The following AGAP3 variants were observed in gnomAD, a reference collection of about 807,000 sequenced individuals.
AGAP3 encodes ArfGAP with GTPase domain, ankyrin repeat and PH domain 3.
In AGAP3, 24 loss-of-function variants were observed where a neutral mutation model predicts 96.9. The ratio of observed to expected loss-of-function variants is 0.25; its 90% CI spans 0.18 to 0.35. The LOEUF (loss-of-function observed/expected upper bound fraction) is 0.35, where lower values mean the gene tolerates loss of function less well. Among genes scored for constraint, AGAP3 ranks in the 10% least tolerant of loss-of-function variants. The probability of loss-of-function intolerance (pLI) is 1.00; values close to 1 mark genes in which losing one functional copy is unlikely to be tolerated. For missense variants in AGAP3, 876 were observed against 1,254.2 expected (o/e 0.70, Z 4.55); for synonymous variants, 563 against 536.1 (o/e 1.05, Z -0.69).
intron 10 of AGAP3, chr7:151,130,986 C>T (rs973138177): frequency 1.3e-5 from 2 of 152,334 alleles, no homozygotes; most frequent in Non-Finnish European, 2.9e-5. Flanking sequence ...ACCCTAAACC[C>T]TGGCAGGAAG....
intron 10 of AGAP3, among the ~76,000 whole-genome samples, chr7:151,129,355 C>T (rs928791581): frequency 2.6e-5 from 4 of 152,164 alleles, no homozygotes; most frequent in African/African-American, 9.7e-5. Context: ...CCGCCCCGGC[C>T]CAGAAGCTCT....
rs1449811105 is a variant in AGAP3, at chr7:151,142,142, G to C, written c.1960-21G>C. On this transcript the variant is annotated intron_variant, in intron 14 of 17. Transcript: ENST00000397238. This position sits in a 1 kb window ranked among gnomAD's most constrained non-coding sequence, Gnocchi z 7.5. Reference sequence around the variant, plus strand: ...TGACTGACCAACCGCCCCTTGTCTTGTCTCTCCTGCTGTGCGACAGACTCG... The same window carrying C: ...TGACTGACCAACCGCCCCTTGTCTTCTCTCTCCTGCTGTGCGACAGACTCG... 1 of 1,612,880 alleles carries C rather than the reference G, an allele frequency of 6.2e-7. No individual in the cohort carries two copies. The highest frequency in any genetic ancestry group is 8.5e-7 in the Non-Finnish European group (1 of 1,179,300).
chr7:151,111,820 T>C (rs1799300093), intron 1 of AGAP3, among the ~76,000 whole-genome samples: 1 of 152,126 alleles, frequency 6.6e-6, no homozygotes, highest in Non-Finnish European at 1.5e-5. Context: ...CCATGGAGCC[T>C]CTCAGCCCCT....
At chr7:151,122,432 C>T (rs1425412436) in intron 8 of AGAP3, among the ~76,000 whole-genome samples, 4 of 152,188 alleles carry the variant, frequency 2.6e-5, no homozygotes, top group Non-Finnish European at 1.5e-5. Context: ...CCTGGGCTGC[C>T]GAGTGGCGAA....
intron 4 of AGAP3, 25 bp downstream of exon 4, chr7:151,117,481 G>T (rs887845649): frequency 1.2e-6 from 2 of 1,614,074 alleles, no homozygotes; most frequent in Admixed American, 3.3e-5. Context: ...CAGGGTTAGG[G>T]CCCACCGCTG....
At chr7:151,121,139 C>G (rs1325196317) in intron 8 of AGAP3, 3 of 157,118 alleles carry the variant, frequency 1.9e-5, no homozygotes. Flanking sequence ...CCTGCTCACT[C>G]ATCCTCGCCT....
chr7:151,090,440 C>T (rs1798349764), intron 1 of AGAP3: 2 of 144,576 alleles, frequency 1.4e-5, no homozygotes, highest in South Asian at 4.3e-4. Flanking sequence ...CCGGCCTGGC[C>T]TGGCCAGCAG....
At chr7:151,110,790 G>A (rs1165203366) in intron 1 of AGAP3, among the ~76,000 whole-genome samples, 3 of 152,174 alleles carry the variant, frequency 2.0e-5, no homozygotes, top group African/African-American at 4.8e-5. Context: ...GGACTGACAC[G>A]GATTGGGCTG....
rs750679955 is a variant in AGAP3, at chr7:151,142,505, G to A, written c.2144G>A (p.Arg715His). Residue 715 changes from arginine to histidine, a missense_variant, in exon 16 of 18, where the codon CGC (arginine) becomes CAC (histidine). Transcript: ENST00000397238. This position sits in a 1 kb window ranked among gnomAD's most constrained non-coding sequence, Gnocchi z 7.5. ...CTGGGGGCTCACCTGTCCCGGGTGC[G>A]CTCCCTTGACCTCGATGACTGGCCG... is the stretch of plus-strand genomic sequence containing the variant. ...RHLGAHLSRV[R>H]SLDLDDWPPE... 2.5e-6 allele frequency: 4 copies of A among 1,613,608 alleles called. No individual in the cohort carries two copies. The highest frequency in any genetic ancestry group is 1.7e-6 in the Non-Finnish European group (2 of 1,180,004).
At position 151,138,102 on chromosome 7, in the gene AGAP3, T is replaced by A. The variant is rs1307386302; in HGVS notation, c.1496-41T>A. 1.0e-5 allele frequency: 15 copies of A among 1,470,106 alleles called. No homozygotes were observed. The Middle Eastern group carries it at 5.2e-4, about 51-fold the overall frequency. The allele number at this position is 1,470,106 out of a possible 1,614,324, so 91.1% of individuals were successfully genotyped here. A position where few individuals can be genotyped will look rare whatever the true frequency, so the allele number is the denominator to read the frequency against. ...GATAGTATCTTTGAGAATCCTCCCCTGCCCGGCCTCCCTTCCCAGTCTGAC... is the reference window on the plus strand; with the variant it reads ...GATAGTATCTTTGAGAATCCTCCCCAGCCCGGCCTCCCTTCCCAGTCTGAC... On this transcript the variant is annotated intron_variant, in intron 11 of 17. Transcript: ENST00000397238.
Position 151,143,350 on chromosome 7 carries a change from G to A in AGAP3, c.2283G>A (p.Lys761=). The A allele has an allele frequency of 3.1e-6, 5 of 1,611,298 alleles. No homozygotes were observed. The highest frequency in any genetic ancestry group is 4.2e-6 in the Non-Finnish European group (5 of 1,178,108). The change falls in exon 17 of 18, where the codon AAG becomes AAA. Residue 761 remains lysine, a synonymous_variant. Coordinates refer to ENST00000397238, the MANE Select transcript of AGAP3 (RefSeq NM_031946.7). The surrounding 1 kb of genome is among the most constrained non-coding windows in gnomAD (Gnocchi z 5.9). ...GGGCCTGTGGTTGCAGAGAGGAGAA[G>A]GAACGCTGGATACGGGCCAAGTATG... ...KPGPDACREE[K]ERWIRAKYEQ...
At position 151,132,923 on chromosome 7, in the gene AGAP3, G is replaced by C. The variant is rs560969934; in HGVS notation, c.1327-1477G>C. On this transcript the variant is annotated intron_variant, in intron 10 of 17. Transcript: ENST00000397238. ...CCTGGGCTCTTTTCAGCAGAGGACA[G>C]TGTCAGTTTTCCCTGGAGCTAACGG... Among the ~76,000 whole-genome samples, 5 of 152,326 alleles carry C rather than the reference G, an allele frequency of 3.3e-5. No homozygotes were observed. In the South Asian group the frequency reaches 1.0e-3, roughly 32 times the overall value.
rs116233895 is a variant in AGAP3, at chr7:151,137,750, G to A, written c.1496-393G>A. On this transcript the variant is annotated intron_variant, in intron 11 of 17. Transcript: ENST00000397238. ...GTCAGAATGGCAGTAAAGCTGAGGC[G>A]AAGCAAATGGCATATGTGGACTAGA... is the stretch of plus-strand genomic sequence containing the variant. 1.6e-3 allele frequency: 369 copies of A among 225,590 alleles called. 1 individual carries two copies. The highest frequency in any genetic ancestry group is 7.6e-3 in the African/African-American group (336 of 44,336). The allele number at this position is 225,590 out of a possible 1,614,324, so 14.0% of individuals were successfully genotyped here.
At chr7:151,121,353 C>A (rs1050240251) in intron 8 of AGAP3, among the ~76,000 whole-genome samples, 11 of 151,756 alleles carry the variant, frequency 7.2e-5, no homozygotes, top group Non-Finnish European at 1.5e-5. Context: ...GGGGGGGCCG[C>A]CTGCTCGAGC....
chr7:151,108,184 T>G lies in AGAP3; in HGVS notation c.332-8609T>G, dbSNP rs2150438432. Reference sequence around the variant, plus strand: ...CCAGGAGGCCAGATGGGGGACATGCTAAGGGACCGAGTCTTCGAGGGGAGG... The same window carrying G: ...CCAGGAGGCCAGATGGGGGACATGCGAAGGGACCGAGTCTTCGAGGGGAGG... On this transcript the variant is annotated intron_variant, in intron 1 of 17. Transcript: ENST00000397238. The surrounding 1 kb of genome is among the most constrained non-coding windows in gnomAD (Gnocchi z 4.2). Among the ~76,000 whole-genome samples the G allele has an allele frequency of 6.6e-6, 1 of 152,328 alleles. No homozygotes were observed. The highest frequency in any genetic ancestry group is 2.4e-5 in the African/African-American group (1 of 41,566).
intron 8 of AGAP3, chr7:151,123,519 GGCGTGCTCCT>G: frequency 7.9e-7 from 1 of 1,267,456 alleles, no homozygotes. Flanking sequence ...CCCCGCCCCG[GGCGTGCTCCT>G]CGCGCCCTCG....
At chr7:151,126,460 G>A (rs1490195605) in intron 9 of AGAP3, among the ~76,000 whole-genome samples, 1 of 133,456 alleles carries the variant, frequency 7.5e-6, no homozygotes, top group Non-Finnish European at 1.6e-5. Flanking sequence ...GAGAGGCTGG[G>A]AGAGGGAAGC....
At chr7:151,124,339 C>T (rs1470907875) in intron 9 of AGAP3, among the ~76,000 whole-genome samples, 1 of 152,204 alleles carries the variant, frequency 6.6e-6, no homozygotes, top group African/African-American at 2.4e-5. Flanking sequence ...AGTAGACTAC[C>T]TCCTCACCTC....
rs777446587 is a variant in AGAP3, at chr7:151,108,913, C to T, written c.332-7880C>T. ...ACCCATGGCAGGGATTAAGGGGACTCGGACCTCCTCAGAAAACACCTGTGT... is the reference window on the plus strand; with the variant it reads ...ACCCATGGCAGGGATTAAGGGGACTTGGACCTCCTCAGAAAACACCTGTGT... On this transcript the variant is annotated intron_variant, in intron 1 of 17. Transcript: ENST00000397238. The surrounding 1 kb of genome is among the most constrained non-coding windows in gnomAD (Gnocchi z 4.2). 3.5e-4 allele frequency among the ~76,000 whole-genome samples: 54 copies of T among 152,308 alleles called. No individual in the cohort carries two copies. Among genetic ancestry groups the T allele is most frequent in the Middle Eastern group, 6.8e-3 (2 of 294 alleles).
Sources: allele counts gnomAD v4.1 joint callset (sites outside exome capture counted in the v4.1 genomes callset), GRCh38; gene constraint gnomAD v4.1.1; non-coding constraint Gnocchi (gnomAD v3.1); transcripts MANE v1.5; gene names NCBI Gene and HGNC (gene_info 2026-07-23, HGNC 2026-07-21).